CASS4: variants seen among roughly 807,000 people sequenced by gnomAD.
CASS4 encodes the protein cas scaffolding protein family member 4.
CASS4 carries 22 observed loss-of-function variants against 54.2 expected under a neutral mutation model. The observed-to-expected ratio is 0.41, with a 90% CI of 0.29 to 0.58. CASS4 has a LOEUF of 0.58. Ranked by LOEUF, CASS4 falls within the 20% of genes least tolerant of loss-of-function variation. The pLI, the probability that CASS4 is intolerant of heterozygous loss-of-function variation, is 0.36. For synonymous variants in CASS4, 409 were observed against 391.5 expected, an observed-to-expected ratio of 1.04 and a Z score of -0.53; for missense variants, 854 against 986.7, an observed-to-expected ratio of 0.87 and a Z score of 1.80.
In CASS4 at chr20:56,459,200, G is replaced by A. The variant is rs1287154079; in HGVS notation, c.*453G>A. The A allele has an allele frequency of 1.3e-4, 21 of 159,216 alleles. No homozygotes were observed. The highest frequency in any genetic ancestry group is 1.9e-4 in the Non-Finnish European group (14 of 72,396). 9.9% of individuals were successfully genotyped at this position (159,216 alleles called of 1,614,324 possible). On this transcript the variant is annotated 3_prime_UTR_variant, in exon 6 of 6. Coordinates refer to ENST00000679887, the MANE Select transcript of CASS4 (RefSeq NM_020356.4). Reference sequence around the variant, plus strand: ...AGAGTAGCTGGTACTACAGGTGTGCGCCACCATGCCCAGCTAATTTTTGTA... The same window carrying A: ...AGAGTAGCTGGTACTACAGGTGTGCACCACCATGCCCAGCTAATTTTTGTA...
At chr20:56,444,929 G>A (rs1432219911) in intron 2 of CASS4, among the ~76,000 whole-genome samples, 1 of 152,110 alleles carries the variant, frequency 6.6e-6, no homozygotes, top group East Asian at 1.9e-4. Context: ...CGACCAATAT[G>A]GTGAAACCCT....
chr20:56,456,581 G>T (rs978670666), intron 5 of CASS4, among the ~76,000 whole-genome samples: 9 of 151,978 alleles, frequency 5.9e-5, no homozygotes, highest in African/African-American at 2.2e-4. Flanking sequence ...CACCATGTTG[G>T]CAAGGCACAT....
At chr20:56,456,199 G>T (rs573929424) in intron 5 of CASS4, among the ~76,000 whole-genome samples, 197 of 152,004 alleles carry the variant, frequency 1.3e-3, no homozygotes, top group Non-Finnish European at 2.4e-3. Context: ...CAGAACCCCT[G>T]CCCGCTCACT....
At chr20:56,428,942 AT>A (rs60118684) in intron 1 of CASS4, among the ~76,000 whole-genome samples, 15,747 of 141,366 alleles carry the variant, frequency 0.11, 2,716 homozygotes, top group African/African-American at 0.37. Flanking sequence ...CAGCCCTGAC[AT>A]TCTTGAGTTT....
In CASS4 at chr20:56,437,323, A is replaced by G. The variant is rs781570933; in HGVS notation, c.196A>G (p.Asn66Asp). The G allele has an allele frequency of 1.2e-6, 2 of 1,613,944 alleles. No homozygotes were observed. Among genetic ancestry groups the G allele is most frequent in the Non-Finnish European group, 1.7e-6 (2 of 1,179,958 alleles). Residue 66 changes from asparagine to aspartate, a missense_variant, in exon 2 of 6, where the codon AAC (asparagine) becomes GAC (aspartate). Coordinates refer to ENST00000679887, the MANE Select transcript of CASS4 (RefSeq NM_020356.4). This position sits in a 1 kb window ranked among gnomAD's most constrained non-coding sequence, Gnocchi z 4.7. Reference protein sequence around the residue: ...LHGRQGLAPANRLQILTEVAA... With the variant: ...LHGRQGLAPADRLQILTEVAA... The stretch of plus-strand genomic sequence containing the variant: ...TGGGAGGCAAGGCCTGGCCCCTGCC[A>G]ACCGCCTCCAAATCCTCACGGAGGT...
chr20:56,444,143 C>T (rs1980597016), intron 2 of CASS4, among the ~76,000 whole-genome samples: 1 of 152,120 alleles, frequency 6.6e-6, no homozygotes, highest in African/African-American at 2.4e-5. Flanking sequence ...TAATGTTTAC[C>T]ATCCAAGCCG....
At position 56,453,130 on chromosome 20, in the gene CASS4, G is replaced by T; in HGVS notation, c.1953+1G>T. 1 of 1,608,536 alleles carries T rather than the reference G, an allele frequency of 6.2e-7. No homozygotes were observed. Among genetic ancestry groups the T allele is most frequent in the Non-Finnish European group, 8.5e-7 (1 of 1,177,114 alleles). On this transcript the variant is annotated splice_donor_variant, in intron 5 of 5. Coordinates refer to ENST00000679887, the MANE Select transcript of CASS4 (RefSeq NM_020356.4). LOFTEE classifies it high-confidence loss of function. Reference sequence around the variant, plus strand: ...AAATAGGGCAAATATCTGTGGACAGGTGAGTTCAGAGTTCCAAGTGATCGA... The same window carrying T: ...AAATAGGGCAAATATCTGTGGACAGTTGAGTTCAGAGTTCCAAGTGATCGA...
chr20:56,458,910 C>G lies in CASS4; in HGVS notation c.*163C>G. 1.5e-6 allele frequency: 1 copy of G among 656,292 alleles called. No homozygotes were observed. Among genetic ancestry groups the G allele is most frequent in the South Asian group, 2.0e-5 (1 of 48,790 alleles). 40.7% of individuals were successfully genotyped at this position (656,292 alleles called of 1,614,324 possible). On this transcript the variant is annotated 3_prime_UTR_variant, in exon 6 of 6. Coordinates refer to ENST00000679887, the MANE Select transcript of CASS4 (RefSeq NM_020356.4). Reference sequence around the variant, plus strand: ...ACCAAGTGGCTAAGCAACCCCAGGGCATTGACTTACCCCGCAGGGGGTCAG... The same window carrying G: ...ACCAAGTGGCTAAGCAACCCCAGGGGATTGACTTACCCCGCAGGGGGTCAG...
rs1482819384 is a variant in CASS4 at position 56,452,235 on chromosome 20, T to G, written c.1059T>G (p.Pro353=). The G allele has an allele frequency of 1.9e-6, 3 of 1,613,956 alleles. No individual in the cohort carries two copies. Among genetic ancestry groups the G allele is most frequent in the Non-Finnish European group, 2.5e-6 (3 of 1,180,040 alleles). The change falls in exon 5 of 6, where the codon CCT becomes CCG. Residue 353 remains proline, a synonymous_variant. Coordinates refer to ENST00000679887, the MANE Select transcript of CASS4 (RefSeq NM_020356.4). Reference sequence around the variant, plus strand: ...CCAAGCCCAATATTTATGACATCCCTAAAGCAACGTCGAGTGTTTCTCAGG... The same window carrying G: ...CCAAGCCCAATATTTATGACATCCCGAAAGCAACGTCGAGTGTTTCTCAGG... ...QNTKPNIYDI[P]KATSSVSQAG...
chr20:56,414,370 A>G lies in CASS4; in HGVS notation c.36+1876A>G, dbSNP rs558200514. On this transcript the variant is annotated intron_variant, in intron 1 of 5. Coordinates refer to ENST00000679887, the MANE Select transcript of CASS4 (RefSeq NM_020356.4). The surrounding 1 kb of genome is among the most constrained non-coding windows in gnomAD (Gnocchi z 4.1). The stretch of plus-strand genomic sequence containing the variant: ...ACAGCCTAGATTTTTTATGATTTAG[A>G]CTTCTTTTTATGTACTGCTTATTCT... 5.9e-5 allele frequency among the ~76,000 whole-genome samples: 9 copies of G among 152,010 alleles called. No individual in the cohort carries two copies. The highest frequency in any genetic ancestry group is 2.2e-4 in the African/African-American group (9 of 41,446).
rs535523849 is a variant in CASS4, at chr20:56,412,764, A to G, written c.36+270A>G. On this transcript the variant is annotated intron_variant, in intron 1 of 5. Coordinates refer to ENST00000679887, the MANE Select transcript of CASS4 (RefSeq NM_020356.4). This position sits in a 1 kb window ranked among gnomAD's most constrained non-coding sequence, Gnocchi z 4.2. The stretch of plus-strand genomic sequence containing the variant: ...CAGCGCCGTCCATCATTTTGCGTCC[A>G]GCAAACTCCTGAAGCAAGATGCGAG... 6.6e-6 allele frequency among the ~76,000 whole-genome samples: 1 copy of G among 152,214 alleles called. No homozygotes were observed. Among genetic ancestry groups the G allele is most frequent in the Non-Finnish European group, 1.5e-5 (1 of 68,046 alleles).
At chr20:56,432,897 G>GGC (rs1555865181) in intron 1 of CASS4, among the ~76,000 whole-genome samples, 1 of 83,148 alleles carries the variant, frequency 1.2e-5, no homozygotes, top group African/African-American at 2.0e-4. Flanking sequence ...AGTGTGGGCA[G>GGC]GGGCGTCACA....
chr20:56,434,939 A>G (rs1201057103), intron 1 of CASS4, among the ~76,000 whole-genome samples: 1 of 152,034 alleles, frequency 6.6e-6, no homozygotes, highest in Non-Finnish European at 1.5e-5. Flanking sequence ...AGGCATTTTA[A>G]TTTTCTTCTG....
Position 56,412,737 on chromosome 20 carries a change from G to A in CASS4, c.36+243G>A, listed in dbSNP as rs1281801174. On this transcript the variant is annotated intron_variant, in intron 1 of 5. Transcript: ENST00000679887. This position sits in a 1 kb window ranked among gnomAD's most constrained non-coding sequence, Gnocchi z 4.2. Reference sequence around the variant, plus strand: ...GTAGTAGAAATCAGCTTACTTGGTTGACAGCGCCGTCCATCATTTTGCGTC... The same window carrying A: ...GTAGTAGAAATCAGCTTACTTGGTTAACAGCGCCGTCCATCATTTTGCGTC... Among the ~76,000 whole-genome samples the A allele has an allele frequency of 6.6e-6, 1 of 152,210 alleles. No individual in the cohort carries two copies. Among genetic ancestry groups the A allele is most frequent in the Non-Finnish European group, 1.5e-5 (1 of 68,044 alleles).
At chr20:56,432,357 T>G (rs1004849538) in intron 1 of CASS4, among the ~76,000 whole-genome samples, 1 of 100,058 alleles carries the variant, frequency 1.0e-5, no homozygotes, top group East Asian at 2.3e-4. Context: ...CATAAGTCCT[T>G]TTTTTTTTTT....
At chr20:56,454,781 T>C (rs1439038232) in intron 5 of CASS4, among the ~76,000 whole-genome samples, 1 of 152,204 alleles carries the variant, frequency 6.6e-6, no homozygotes, top group African/African-American at 2.4e-5. Flanking sequence ...ATTCATACGC[T>C]CTATTGCTAG....
intron 3 of CASS4, among the ~76,000 whole-genome samples, chr20:56,447,142 A>G (rs1286349164): frequency 1.3e-5 from 2 of 150,832 alleles, no homozygotes; most frequent in East Asian, 3.9e-4. Flanking sequence ...TGGAAGGTGG[A>G]GGTTGCAATG....
chr20:56,439,635 C>T (rs192797251), intron 2 of CASS4, among the ~76,000 whole-genome samples: 26 of 152,084 alleles, frequency 1.7e-4, no homozygotes, highest in Non-Finnish European at 3.1e-4. Flanking sequence ...ATTATTACTA[C>T]GGCGCCCCTG....
At chr20:56,428,833 A>G (rs1473569404) in intron 1 of CASS4, among the ~76,000 whole-genome samples, 1 of 152,202 alleles carries the variant, frequency 6.6e-6, no homozygotes, top group African/African-American at 2.4e-5. Flanking sequence ...CTGCTGCTGC[A>G]TGACCAGAGG....
Sources: gnomAD v4.1 joint callset for allele counts (sites outside exome capture counted in the v4.1 genomes callset) on GRCh38, gnomAD v4.1.1 for gene constraint, Gnocchi (gnomAD v3.1) non-coding constraint, MANE v1.5 for transcripts, NCBI Gene and HGNC (gene_info 2026-07-23, HGNC 2026-07-21) for gene names.